The following CSMD1 variants were observed in gnomAD, a reference collection of about 807,000 sequenced individuals.
The protein encoded by CSMD1 is CUB and sushi domain-containing protein 1.
In CSMD1, 213 loss-of-function variants were observed where a neutral mutation model predicts 417.5. The ratio of observed to expected loss-of-function variants is 0.51; its 90% CI spans 0.46 to 0.57. The LOEUF is 0.57. Ranked by LOEUF, CSMD1 falls within the 20% of genes least tolerant of loss-of-function variation. CSMD1 has a pLI of 0.00. For missense variants in CSMD1, 6,923 were observed against 4,529.7 expected (o/e 1.53, Z -15.17); for synonymous variants, 2,862 against 1,736.8 (o/e 1.65, Z -16.11).
At chr8:4,565,013 A>T (rs911451392) in intron 2 of CSMD1, among the ~76,000 whole-genome samples, 3 of 152,160 alleles carry the variant, frequency 2.0e-5, no homozygotes, top group African/African-American at 4.8e-5. Context: ...GTAATGATAG[A>T]TGTCTGTCAT....
At chr8:4,341,831 A>G (rs1800494848) in intron 3 of CSMD1, among the ~76,000 whole-genome samples, 1 of 152,100 alleles carries the variant, frequency 6.6e-6, no homozygotes, top group Non-Finnish European at 1.5e-5. Flanking sequence ...ACATCTGCAT[A>G]ATAACAGAAG....
intron 12 of CSMD1, among the ~76,000 whole-genome samples, chr8:3,466,181 A>T (rs758655094): frequency 2.0e-5 from 3 of 152,100 alleles, no homozygotes; most frequent in Non-Finnish European, 4.4e-5. Flanking sequence ...CAATAAAATT[A>T]TGAAGCAGTT....
At chr8:2,964,500 G>C (rs906961218) in intron 59 of CSMD1, among the ~76,000 whole-genome samples, 1 of 152,218 alleles carries the variant, frequency 6.6e-6, no homozygotes, top group Non-Finnish European at 1.5e-5. Flanking sequence ...GGGACAGAGA[G>C]AGAAAGAGGT....
Position 3,900,602 on chromosome 8 carries a change from T to C in CSMD1, c.818+97301A>G, listed in dbSNP as rs139817752. On this transcript the variant is annotated intron_variant, in intron 5 of 69. Transcript: ENST00000635120. Reference sequence around the variant, plus strand: ...GGATGACACTCTAGCTGGGTGACAGTGTAGCTGGGTGACACTAAGTTGGGT... The same window carrying C: ...GGATGACACTCTAGCTGGGTGACAGCGTAGCTGGGTGACACTAAGTTGGGT... Among the ~76,000 whole-genome samples, 856 of 151,870 alleles carry C rather than the reference T, an allele frequency of 5.6e-3. 8 individuals carry two copies. Among genetic ancestry groups the C allele is most frequent in the African/African-American group, 0.02 (810 of 41,402 alleles).
chr8:4,226,926 G>A (rs1444038750), intron 3 of CSMD1, among the ~76,000 whole-genome samples: 1 of 152,108 alleles, frequency 6.6e-6, no homozygotes, highest in Non-Finnish European at 1.5e-5. Flanking sequence ...GTCACTTTCT[G>A]TTTTTATTTC....
chr8:3,844,389 C>T (rs1158620629), intron 5 of CSMD1, among the ~76,000 whole-genome samples: 8 of 152,132 alleles, frequency 5.3e-5, no homozygotes, highest in Non-Finnish European at 1.0e-4. Context: ...ACACCTCACT[C>T]ACCAACAAAT....
chr8:3,445,161 T>A (rs1026910565), intron 12 of CSMD1, among the ~76,000 whole-genome samples: 3 of 152,108 alleles, frequency 2.0e-5, no homozygotes, highest in Non-Finnish European at 2.9e-5. Flanking sequence ...ACAATCACAA[T>A]CATAACACAG....
At chr8:2,985,011 G>C (rs903556408) in intron 54 of CSMD1, among the ~76,000 whole-genome samples, 1 of 152,172 alleles carries the variant, frequency 6.6e-6, no homozygotes, top group Non-Finnish European at 1.5e-5. Flanking sequence ...ACTCTGAACA[G>C]ATACTGGAAC....
intron 3 of CSMD1, among the ~76,000 whole-genome samples, chr8:4,036,956 GGTGTGTGTGTGTGTGT>G (rs57139782): frequency 9.5e-4 from 139 of 146,034 alleles, no homozygotes; most frequent in South Asian, 2.0e-3. Flanking sequence ...GTGAGTGTGG[GGTGTGTGTGTGTGTGT>G]GTGTGTGTGT....
intron 7 of CSMD1, among the ~76,000 whole-genome samples, chr8:3,684,408 A>G (rs1329482140): frequency 6.7e-6 from 1 of 149,074 alleles, no homozygotes; most frequent in Admixed American, 6.8e-5. Flanking sequence ...ACATATATAC[A>G]AAATATATTT....
intron 41 of CSMD1, among the ~76,000 whole-genome samples, chr8:3,134,602 T>C (rs1158435566): frequency 6.6e-6 from 1 of 152,234 alleles, no homozygotes; most frequent in Admixed American, 6.5e-5. Context: ...AAAATTGTTC[T>C]TTTTAAACTG....
intron 41 of CSMD1, among the ~76,000 whole-genome samples, 174 bp from the exon 42 acceptor site, chr8:3,118,761 A>T (rs1336302208): frequency 6.6e-6 from 1 of 152,246 alleles, no homozygotes; most frequent in Non-Finnish European, 1.5e-5. Flanking sequence ...TATTATTAGT[A>T]GTAGTAGAAT....
At chr8:4,471,955 A>C (rs185888451) in intron 2 of CSMD1, among the ~76,000 whole-genome samples, 1 of 152,288 alleles carries the variant, frequency 6.6e-6, no homozygotes, top group East Asian at 1.9e-4. Context: ...CAAAACAGTG[A>C]ATAGGAAGCC....
chr8:3,984,819 G>T (rs1222004751), intron 5 of CSMD1, among the ~76,000 whole-genome samples: 1 of 148,322 alleles, frequency 6.7e-6, no homozygotes, highest in African/African-American at 2.5e-5. Flanking sequence ...CAAAAAACTA[G>T]AGGGAATGGA....
chr8:3,233,828 T>C (rs188194425), intron 26 of CSMD1, among the ~76,000 whole-genome samples: 2 of 151,876 alleles, frequency 1.3e-5, no homozygotes, highest in East Asian at 3.9e-4. Flanking sequence ...CACATTAGAT[T>C]ACAGGATCTG....
At chr8:4,355,872 C>A (rs991332704) in intron 3 of CSMD1, among the ~76,000 whole-genome samples, 1 of 152,198 alleles carries the variant, frequency 6.6e-6, no homozygotes, top group Non-Finnish European at 1.5e-5. Context: ...GGGAACCAGG[C>A]CTTGCCATTT....
In CSMD1 at chr8:3,982,788, G is replaced by A. The variant is rs541567111; in HGVS notation, c.818+15115C>T. Among the ~76,000 whole-genome samples the A allele has an allele frequency of 2.7e-4, 41 of 152,286 alleles. No individual in the cohort carries two copies. In the South Asian group the frequency reaches 4.6e-3, roughly 17 times the overall value. ...GATAATGGACAGGGCCAGAACGAGG[G>A]CAAGAATCCGCTGGAGGATTCTGAG... On this transcript the variant is annotated intron_variant, in intron 5 of 69. Coordinates refer to ENST00000635120, the MANE Select transcript of CSMD1 (RefSeq NM_033225.6).
At chr8:3,997,053 G>C (rs1815274236) in intron 5 of CSMD1, among the ~76,000 whole-genome samples, 1 of 152,068 alleles carries the variant, frequency 6.6e-6, no homozygotes, top group South Asian at 2.1e-4. Context: ...GTGTCTACCT[G>C]AGTTTCAACA....
intron 4 of CSMD1, among the ~76,000 whole-genome samples, chr8:3,998,695 G>C (rs773425234): frequency 2.0e-5 from 3 of 152,074 alleles, no homozygotes; most frequent in African/African-American, 7.2e-5. Context: ...TTAGAAAAGT[G>C]ATAAGTGAAA....
Sources: gnomAD v4.1 joint callset for allele counts (sites outside exome capture counted in the v4.1 genomes callset) on GRCh38, gnomAD v4.1.1 for gene constraint, MANE v1.5 for transcripts, NCBI Gene and HGNC (gene_info 2026-07-23, HGNC 2026-07-21) for gene names.